The following KCNMB2 variants were observed in gnomAD, a reference collection of about 807,000 sequenced individuals.
KCNMB2 encodes calcium-activated potassium channel subunit beta-2.
KCNMB2 carries 9 observed loss-of-function variants against 24.5 expected under a neutral mutation model. The ratio of observed to expected loss-of-function variants is 0.37; its 90% CI spans 0.22 to 0.64. The LOEUF (loss-of-function observed/expected upper bound fraction) is 0.64, where lower values mean the gene tolerates loss of function less well. Ranked by LOEUF, KCNMB2 falls within the 30% of genes least tolerant of loss-of-function variation. KCNMB2 has a pLI of 0.63. For missense variants in KCNMB2, 226 were observed against 284.3 expected, an observed-to-expected ratio of 0.79 and a Z score of 1.47; for synonymous variants, 109 against 104.4, an observed-to-expected ratio of 1.04 and a Z score of -0.27.
At chr3:178,811,320 C>G (rs1264702372) in intron 2 of KCNMB2, among the ~76,000 whole-genome samples, 1 of 152,144 alleles carries the variant, frequency 6.6e-6, no homozygotes, top group African/African-American at 2.4e-5. Context: ...CAATACTATT[C>G]TACTCCCCAT....
chr3:178,538,095 T>C (rs951614397), intron 1 of KCNMB2, among the ~76,000 whole-genome samples: 1 of 152,218 alleles, frequency 6.6e-6, no homozygotes, highest in African/African-American at 2.4e-5. Flanking sequence ...TGAGCTTCTA[T>C]ATATATACTG....
At chr3:178,603,955 C>T (rs1441378827) in intron 1 of KCNMB2, among the ~76,000 whole-genome samples, 5 of 152,124 alleles carry the variant, frequency 3.3e-5, no homozygotes, top group Non-Finnish European at 7.4e-5. Context: ...CAAGAGTTCT[C>T]ACACTGAGGA....
intron 1 of KCNMB2, among the ~76,000 whole-genome samples, chr3:178,592,676 G>T (rs1369202672): frequency 6.6e-6 from 1 of 152,018 alleles, no homozygotes; most frequent in Non-Finnish European, 1.5e-5. Context: ...GTTCTGGTAG[G>T]TCTATACGTT....
chr3:178,688,500 CAAAT>C (rs1268407783), intron 1 of KCNMB2, among the ~76,000 whole-genome samples: 1 of 152,048 alleles, frequency 6.6e-6, no homozygotes, highest in Non-Finnish European at 1.5e-5. Context: ...CAGCACATAA[CAAAT>C]AAATATGCCA....
chr3:178,611,728 AC>A (rs1718491483), intron 1 of KCNMB2, among the ~76,000 whole-genome samples: 1 of 151,956 alleles, frequency 6.6e-6, no homozygotes, highest in Non-Finnish European at 1.5e-5. Flanking sequence ...AAACAAACAA[AC>A]AAAAACCCTT....
At chr3:178,825,834 G>A in intron 3 of KCNMB2, 76 bp downstream of exon 3, 1 of 1,146,166 alleles carries the variant, frequency 8.7e-7, no homozygotes, top group African/African-American at 1.5e-5. Context: ...GCAACCCTAA[G>A]GTCATCTTCC....
At chr3:178,832,321 T>C in intron 4 of KCNMB2, among the ~76,000 whole-genome samples, 1 of 152,016 alleles carries the variant, frequency 6.6e-6, no homozygotes, top group Non-Finnish European at 1.5e-5. Flanking sequence ...GTCTAATTGC[T>C]GCTTCTTTGA....
At chr3:178,801,246 T>C (rs1174919422) in intron 1 of KCNMB2, among the ~76,000 whole-genome samples, 1 of 152,160 alleles carries the variant, frequency 6.6e-6, no homozygotes, top group Non-Finnish European at 1.5e-5. Flanking sequence ...GCATTTACTC[T>C]GACATGATTG....
At chr3:178,666,953 C>T (rs954716174) in intron 1 of KCNMB2, among the ~76,000 whole-genome samples, 1 of 152,118 alleles carries the variant, frequency 6.6e-6, no homozygotes, top group Non-Finnish European at 1.5e-5. Flanking sequence ...TGCACATAAC[C>T]TACACAAGTT....
chr3:178,631,170 A>G (rs1032803468), intron 1 of KCNMB2, among the ~76,000 whole-genome samples: 2 of 152,236 alleles, frequency 1.3e-5, no homozygotes, highest in East Asian at 3.8e-4. Flanking sequence ...AATATGGTTC[A>G]TCGGGGTAAA....
At chr3:178,619,854 G>A (rs1386626856) in intron 1 of KCNMB2, among the ~76,000 whole-genome samples, 1 of 152,128 alleles carries the variant, frequency 6.6e-6, no homozygotes, top group East Asian at 1.9e-4. Flanking sequence ...TAGGCAAAGA[G>A]AAGTCCCTCA....
chr3:178,688,671 T>C (rs1017313092), intron 1 of KCNMB2, among the ~76,000 whole-genome samples: 11 of 152,144 alleles, frequency 7.2e-5, no homozygotes, highest in Admixed American at 1.3e-4. Flanking sequence ...ACCCTAAAGA[T>C]AGACTATCTA....
chr3:178,785,865 T>C (rs1713081036), intron 1 of KCNMB2, among the ~76,000 whole-genome samples: 1 of 152,208 alleles, frequency 6.6e-6, no homozygotes, highest in African/African-American at 2.4e-5. Flanking sequence ...AAGTAGCTAC[T>C]AATAATGTCA....
rs539301470 is a variant in KCNMB2 at position 178,612,294 on chromosome 3, A to AT, written c.-68+75591dup. 2.5e-3 allele frequency among the ~76,000 whole-genome samples: 378 copies of AT among 152,060 alleles called. 2 individuals are homozygous for AT. The highest frequency in any genetic ancestry group is 3.7e-3 in the Non-Finnish European group (253 of 67,964). On this transcript the variant is annotated intron_variant, in intron 1 of 4. Coordinates refer to ENST00000452583, the MANE Select transcript of KCNMB2 (RefSeq NM_181361.3). ...TGGTCTACAGTGCAAATTTAGTCTG[A>AT]TTTTTTTTGTTGATTCTTCTGTCAG... is the stretch of plus-strand genomic sequence containing the variant.
At chr3:178,690,741 T>C (rs557443201) in intron 1 of KCNMB2, among the ~76,000 whole-genome samples, 2 of 152,312 alleles carry the variant, frequency 1.3e-5, no homozygotes, top group South Asian at 4.1e-4. Flanking sequence ...TGCAGTCAGA[T>C]TCAGCACTAT....
intron 1 of KCNMB2, among the ~76,000 whole-genome samples, chr3:178,660,436 C>T (rs998892739): frequency 7.9e-5 from 12 of 152,158 alleles, no homozygotes; most frequent in African/African-American, 2.9e-4. Context: ...ACTGAGTTCT[C>T]ACTGGGGCCC....
chr3:178,749,717 T>C (rs1371418013), intron 1 of KCNMB2, among the ~76,000 whole-genome samples: 4 of 152,224 alleles, frequency 2.6e-5, no homozygotes, highest in Admixed American at 2.6e-4. Context: ...TAACTTGGCA[T>C]TGCTCAAAGT....
intron 1 of KCNMB2, among the ~76,000 whole-genome samples, chr3:178,618,774 A>AT: frequency 6.6e-6 from 1 of 152,288 alleles, no homozygotes; most frequent in Admixed American, 6.5e-5. Flanking sequence ...GATAGAGGAG[A>AT]GGCTAAGAGA....
intron 2 of KCNMB2, among the ~76,000 whole-genome samples, chr3:178,814,409 A>G (rs377327191): frequency 6.6e-6 from 1 of 152,148 alleles, no homozygotes; most frequent in East Asian, 1.9e-4. Flanking sequence ...ACTATTATGA[A>G]TAGTGCTTTG....
Sources: allele counts gnomAD v4.1 joint callset (sites outside exome capture counted in the v4.1 genomes callset), GRCh38; gene constraint gnomAD v4.1.1; transcripts MANE v1.5; gene names NCBI Gene and HGNC (gene_info 2026-07-23, HGNC 2026-07-21).